Variants in USP28 observed in about 807,000 individuals in gnomAD.
The protein encoded by USP28 is ubiquitin carboxyl-terminal hydrolase 28.
A neutral mutation model predicts 145.0 loss-of-function variants in USP28; 113 were observed. The observed-to-expected ratio is 0.78, with a 90% CI of 0.67 to 0.91. The LOEUF (loss-of-function observed/expected upper bound fraction) is 0.91, where lower values mean the gene tolerates loss of function less well. USP28 is among the 40% of genes least tolerant of loss of function. The probability of loss-of-function intolerance (pLI) is 0.00; values close to 1 mark genes in which losing one functional copy is unlikely to be tolerated. For synonymous variants in USP28, 447 were observed against 450.9 expected (o/e 0.99, Z 0.11); for missense variants, 1,201 against 1,289.6 (o/e 0.93, Z 1.05).
At chr11:113,872,132 G>T (rs1752661652) in intron 1 of USP28, among the ~76,000 whole-genome samples, 2 of 152,182 alleles carry the variant, frequency 1.3e-5, no homozygotes, top group Admixed American at 1.3e-4. Context: ...TATTTTCCTT[G>T]TTAAGTACTT....
intron 18 of USP28, 139 bp from the exon 20 acceptor site, chr11:113,806,723 G>A (rs1365741405): frequency 3.7e-6 from 2 of 545,574 alleles, no homozygotes; most frequent in Non-Finnish European, 6.3e-6. Context: ...TGCAAGCTGA[G>A]TTTCACACAC....
intron 1 of USP28, among the ~76,000 whole-genome samples, chr11:113,856,016 G>A (rs1032302386): frequency 6.6e-6 from 1 of 152,226 alleles, no homozygotes; most frequent in Non-Finnish European, 1.5e-5. Context: ...GCTGAGACCA[G>A]CAGACTTTCA....
chr11:113,815,314 T>G, exon 14 of USP28: 1 of 1,614,138 alleles, frequency 6.2e-7, no homozygotes, highest in Non-Finnish European at 8.5e-7. Flanking sequence ...TGGTTTAGAC[T>G]TGGGTAAAGA....
chr11:113,872,415 G>A (rs1237940191), intron 1 of USP28, among the ~76,000 whole-genome samples: 1 of 151,852 alleles, frequency 6.6e-6, no homozygotes, highest in Non-Finnish European at 1.5e-5. Context: ...TGAACCCGGG[G>A]GGCGGAGCTT....
intron 5 of USP28, among the ~76,000 whole-genome samples, chr11:113,834,713 C>T (rs1409347570): frequency 6.6e-6 from 1 of 151,956 alleles, no homozygotes; most frequent in African/African-American, 2.4e-5. Flanking sequence ...CCACCAAGCC[C>T]AGCCAAAAGA....
At chr11:113,862,117 C>T (rs142749149) in intron 1 of USP28, among the ~76,000 whole-genome samples, 55 of 152,098 alleles carry the variant, frequency 3.6e-4, no homozygotes, top group Non-Finnish European at 6.3e-4. Context: ...GGGGCTGAGG[C>T]GGGCGGATCA....
At chr11:113,874,766 A>C (rs1949204113) in intron 1 of USP28, 1 of 1,159,400 alleles carries the variant, frequency 8.6e-7, no homozygotes, top group African/African-American at 1.6e-5. Flanking sequence ...CTCTCACCAG[A>C]TTCTTAGATC....
rs1450171777 is a variant in USP28 at position 113,813,724 on chromosome 11, A to G, written c.1743+161T>C. On this transcript the variant is annotated intron_variant, in intron 15 of 24. Coordinates refer to ENST00000003302, the Ensembl canonical transcript of USP28. Reference sequence around the variant, plus strand: ...TGGTAAAAGGTATATTGCTTTCTTTAGCCTAAAATAAAGAAACAGAACAAC... The same window carrying G: ...TGGTAAAAGGTATATTGCTTTCTTTGGCCTAAAATAAAGAAACAGAACAAC... The G allele has an allele frequency of 2.6e-5, 17 of 661,110 alleles. No homozygotes were observed. In the South Asian group the frequency reaches 3.0e-4, roughly 12 times the overall value. The allele number at this position is 661,110 out of a possible 1,614,324, so 41.0% of individuals were successfully genotyped here.
chr11:113,833,871 G>A (rs144570839), intron 6 of USP28, among the ~76,000 whole-genome samples: 6 of 152,292 alleles, frequency 3.9e-5, no homozygotes, highest in African/African-American at 1.2e-4. Context: ...TTGCTAGGAG[G>A]AGGCTACGAC....
At chr11:113,864,113 T>C (rs1258853754) in intron 1 of USP28, among the ~76,000 whole-genome samples, 72 of 140,858 alleles carry the variant, frequency 5.1e-4, no homozygotes, top group East Asian at 1.6e-3. Flanking sequence ...TGGTGGCATG[T>C]GCCTGTAGTC....
intron 16 of USP28, among the ~76,000 whole-genome samples, chr11:113,810,474 T>C (rs1017121204): frequency 3.3e-5 from 5 of 152,210 alleles, no homozygotes; most frequent in Admixed American, 6.5e-5. Context: ...GTTTCTATAA[T>C]AGAAAAATAA....
chr11:113,871,649 G>C (rs1948827004), intron 1 of USP28, among the ~76,000 whole-genome samples: 1 of 152,288 alleles, frequency 6.6e-6, no homozygotes, highest in East Asian at 1.9e-4. Flanking sequence ...AAAAGGAAGG[G>C]AACCTTTTCC....
At chr11:113,852,942 G>A (rs999075583) in intron 2 of USP28, among the ~76,000 whole-genome samples, 3 of 151,968 alleles carry the variant, frequency 2.0e-5, no homozygotes, top group Non-Finnish European at 4.4e-5. Context: ...TCTAAAGCAC[G>A]ATGTGTCAAA....
chr11:113,808,311 G>C, exon 18 of USP28: 1 of 1,612,860 alleles, frequency 6.2e-7, no homozygotes, highest in Non-Finnish European at 8.5e-7. Context: ...ACTCAGTGCC[G>C]CTTCTACACC....
chr11:113,849,172 T>G (rs958746554), intron 3 of USP28, among the ~76,000 whole-genome samples: 1 of 152,164 alleles, frequency 6.6e-6, no homozygotes, highest in Non-Finnish European at 1.5e-5. Flanking sequence ...CAAGGAGGTC[T>G]TTGCATTCCC....
chr11:113,816,317 C>T (rs1941724777), intron 13 of USP28, among the ~76,000 whole-genome samples: 2 of 152,108 alleles, frequency 1.3e-5, no homozygotes. Context: ...GAGATCGAGA[C>T]CACCCTGGCC....
chr11:113,855,111 TAATTA>T (rs758012499), intron 1 of USP28, among the ~76,000 whole-genome samples: 24 of 152,242 alleles, frequency 1.6e-4, no homozygotes, highest in African/African-American at 4.3e-4. Flanking sequence ...TGTGTTTGAC[TAATTA>T]AAAAGTACAG....
At chr11:113,813,728 T>TAAAAAAAAA in intron 15 of USP28, 157 bp downstream of exon 15, 1 of 677,464 alleles carries the variant, frequency 1.5e-6, no homozygotes, top group Non-Finnish European at 2.5e-6. Flanking sequence ...TTCTTTAGCC[T>TAAAAAAAAA]AAAATAAAGA....
chr11:113,804,702 G>A, exon 21 of USP28: 2 of 1,614,100 alleles, frequency 1.2e-6, no homozygotes, highest in Non-Finnish European at 1.7e-6. Flanking sequence ...ATGTCATCTG[G>A]ACCAATTTCC....
Sources: allele counts gnomAD v4.1 joint callset (sites outside exome capture counted in the v4.1 genomes callset), GRCh38; gene constraint gnomAD v4.1.1; transcripts MANE v1.5; gene names NCBI Gene and HGNC (gene_info 2026-07-23, HGNC 2026-07-21).